The following NSG2 variants were observed in gnomAD, a reference collection of about 807,000 sequenced individuals.
NSG2 encodes the protein neuronal vesicle trafficking-associated protein 2.
NSG2 carries 4 observed loss-of-function variants against 16.9 expected under a neutral mutation model. The ratio of observed to expected loss-of-function variants is 0.24; its 90% CI spans 0.12 to 0.54. The LOEUF (loss-of-function observed/expected upper bound fraction) is 0.54, where lower values mean the gene tolerates loss of function less well. Among genes scored for constraint, NSG2 ranks in the 20% least tolerant of loss-of-function variants. NSG2 has a pLI of 0.95. For synonymous variants in NSG2, 98 were observed against 88.7 expected, an observed-to-expected ratio of 1.11 and a Z score of -0.59; for missense variants, 179 against 221.1, an observed-to-expected ratio of 0.81 and a Z score of 1.21.
chr5:174,095,180 G>A (rs988688621), intron 3 of NSG2, among the ~76,000 whole-genome samples: 2 of 152,186 alleles, frequency 1.3e-5, no homozygotes, highest in African/African-American at 4.8e-5. Flanking sequence ...GCATGCTGAG[G>A]AGCATGGCAG....
chr5:174,052,000 G>A (rs1481378737), intron 2 of NSG2, among the ~76,000 whole-genome samples: 1 of 152,146 alleles, frequency 6.6e-6, no homozygotes, highest in East Asian at 1.9e-4. Context: ...TTTTCAAAAG[G>A]TATTTAAAGC....
intron 3 of NSG2, among the ~76,000 whole-genome samples, chr5:174,090,348 G>C (rs991475502): frequency 6.6e-6 from 1 of 152,226 alleles, no homozygotes; most frequent in Non-Finnish European, 1.5e-5. Flanking sequence ...CAGTTTCAGA[G>C]GCGCGTGGGC....
At chr5:174,092,808 A>C (rs1444255662) in intron 3 of NSG2, among the ~76,000 whole-genome samples, 2 of 152,078 alleles carry the variant, frequency 1.3e-5, no homozygotes, top group African/African-American at 4.8e-5. Flanking sequence ...TCGGCACGTG[A>C]GGATGCTCTA....
At chr5:174,103,992 C>G (rs1271706616) in intron 3 of NSG2, among the ~76,000 whole-genome samples, 1 of 151,898 alleles carries the variant, frequency 6.6e-6, no homozygotes, top group Admixed American at 6.6e-5. Context: ...AACAAATAAA[C>G]AACAACAAAA....
intron 4 of NSG2, among the ~76,000 whole-genome samples, chr5:174,106,928 A>T (rs917975444): frequency 5.3e-5 from 8 of 152,168 alleles, no homozygotes; most frequent in African/African-American, 1.9e-4. Context: ...ATGCAAGTAT[A>T]AAATACAGGA....
chr5:174,058,425 T>A (rs1441334776), intron 2 of NSG2, among the ~76,000 whole-genome samples: 1 of 152,206 alleles, frequency 6.6e-6, no homozygotes, highest in East Asian at 1.9e-4. Flanking sequence ...AGCGAGACTC[T>A]GTAAAAAACA....
At chr5:174,067,211 T>G (rs930759250) in intron 3 of NSG2, among the ~76,000 whole-genome samples, 3 of 152,202 alleles carry the variant, frequency 2.0e-5, no homozygotes, top group Admixed American at 2.0e-4. Flanking sequence ...TTTTTTTGTC[T>G]TCTTTGACAA....
At chr5:174,104,401 T>G in intron 4 of NSG2, 63 bp downstream of exon 4, 1 of 1,134,834 alleles carries the variant, frequency 8.8e-7, no homozygotes, top group South Asian at 1.2e-5. Context: ...GATCAATGTC[T>G]TCTCTTCACT....
chr5:174,086,265 C>G (rs1760619396), intron 3 of NSG2: 1 of 152,144 alleles, frequency 6.6e-6, no homozygotes, highest in Admixed American at 6.5e-5. Context: ...AACTTATTTC[C>G]TCTAAAATAG....
At chr5:174,045,996 C>G (rs952435723) in intron 1 of NSG2, 153 bp downstream of exon 1, 2 of 152,026 alleles carry the variant, frequency 1.3e-5, no homozygotes, top group African/African-American at 4.8e-5. Flanking sequence ...GAGGGGAGCA[C>G]CATTTGACTT....
At chr5:174,106,892 A>G (rs1287940221) in intron 4 of NSG2, among the ~76,000 whole-genome samples, 2 of 152,100 alleles carry the variant, frequency 1.3e-5, no homozygotes, top group African/African-American at 4.8e-5. Context: ...CGCATCCGGC[A>G]AGACTTTTGA....
At chr5:174,071,958 G>A (rs1283460488) in intron 3 of NSG2, among the ~76,000 whole-genome samples, 1 of 152,098 alleles carries the variant, frequency 6.6e-6, no homozygotes, top group Non-Finnish European at 1.5e-5. Flanking sequence ...AAGAAATGGG[G>A]GCCTTGGCTC....
intron 3 of NSG2, among the ~76,000 whole-genome samples, chr5:174,086,087 C>G (rs182349304): frequency 6.6e-6 from 1 of 152,058 alleles, no homozygotes; most frequent in Non-Finnish European, 1.5e-5. Flanking sequence ...CCGTTTAACC[C>G]CCTGCCCTGC....
At chr5:174,074,276 A>G (rs1350402188) in intron 3 of NSG2, among the ~76,000 whole-genome samples, 2 of 152,218 alleles carry the variant, frequency 1.3e-5, no homozygotes, top group Admixed American at 6.5e-5. Flanking sequence ...AAGTGAGGCA[A>G]TGTAAGCTAA....
At chr5:174,096,399 A>G (rs1581241267) in intron 3 of NSG2, among the ~76,000 whole-genome samples, 1 of 152,108 alleles carries the variant, frequency 6.6e-6, no homozygotes, top group Admixed American at 6.5e-5. Context: ...GGGAACTGGC[A>G]TTCTAGGCAG....
At chr5:174,059,685 A>G (rs187992548) in intron 2 of NSG2, among the ~76,000 whole-genome samples, 12 of 152,246 alleles carry the variant, frequency 7.9e-5, no homozygotes, top group African/African-American at 1.2e-4. Flanking sequence ...GCAAGGTGCA[A>G]TCCCGGGGTA....
At chr5:174,085,830 C>G (rs995300257) in intron 3 of NSG2, among the ~76,000 whole-genome samples, 1 of 152,240 alleles carries the variant, frequency 6.6e-6, no homozygotes, top group Non-Finnish European at 1.5e-5. Context: ...TCCACCTGAC[C>G]TGGCTGTGCG....
intron 2 of NSG2, among the ~76,000 whole-genome samples, chr5:174,051,985 T>C (rs1030244408): frequency 6.6e-6 from 1 of 152,112 alleles, no homozygotes; most frequent in Non-Finnish European, 1.5e-5. Context: ...GTGGATTGTT[T>C]GTTTTTTTCA....
At chr5:174,090,196 C>A (rs529478972) in intron 3 of NSG2, among the ~76,000 whole-genome samples, 1 of 152,222 alleles carries the variant, frequency 6.6e-6, no homozygotes, top group South Asian at 2.1e-4. Flanking sequence ...TGGCTGTGAT[C>A]TCTTACAGCA....
Sources: allele counts gnomAD v4.1 joint callset (sites outside exome capture counted in the v4.1 genomes callset), GRCh38; gene constraint gnomAD v4.1.1; transcripts MANE v1.5; gene names NCBI Gene and HGNC (gene_info 2026-07-23, HGNC 2026-07-21).